CELF2: variants seen among roughly 807,000 people sequenced by gnomAD.
CELF2 encodes the protein CUG triplet repeat RNA-binding protein 2.
CELF2 carries 8 observed loss-of-function variants against 62.6 expected under a neutral mutation model. That is an observed-to-expected ratio of 0.13 (90% confidence interval 0.07 to 0.23). The LOEUF is 0.23. Ranked by LOEUF, CELF2 falls within the 10% of genes least tolerant of loss-of-function variation. The pLI is 1.00. For synonymous variants in CELF2, 258 were observed against 250.0 expected, an observed-to-expected ratio of 1.03 and a Z score of -0.30; for missense variants, 333 against 671.0, an observed-to-expected ratio of 0.50 and a Z score of 5.56.
chr10:10,572,753 A>G, the CELF2 span, among the ~76,000 whole-genome samples: 162 of 152,294 alleles, frequency 1.1e-3, no homozygotes, highest in Non-Finnish European at 5.9e-5. Context: ...TATCCGGTCT[A>G]TCATCGATGA....
At chr10:10,841,835 G>A in intron 1 of CELF2, among the ~76,000 whole-genome samples, 1 of 151,988 alleles carries the variant, frequency 6.6e-6, no homozygotes, top group Non-Finnish European at 1.5e-5. Context: ...AAAATAACTT[G>A]CTGGGATTCT....
chr10:10,585,841 C>T, the CELF2 span, among the ~76,000 whole-genome samples: 1 of 152,106 alleles, frequency 6.6e-6, no homozygotes, highest in African/African-American at 2.4e-5. Context: ...TACCAATTTG[C>T]AGCAACTGGG....
At position 11,157,954 on chromosome 10, in the gene CELF2, C is replaced by G. The variant is rs649882; in HGVS notation, c.75-7532C>G. Among the ~76,000 whole-genome samples the G allele has an allele frequency of 6.6e-6, 1 of 152,046 alleles. No homozygotes were observed. The highest frequency in any genetic ancestry group is 1.5e-5 in the Non-Finnish European group (1 of 67,992). ...ATGTCGTGTGTCTTTCGTTTGCCCC[C>G]CTTGATGTGGGTCCCTTTAATCATT... On this transcript the variant is annotated intron_variant, in intron 1 of 12. Transcript: ENST00000633077. The surrounding 1 kb of genome is among the most constrained non-coding windows in gnomAD (Gnocchi z 4.9).
intron 1 of CELF2, among the ~76,000 whole-genome samples, chr10:11,069,141 T>C (rs1291859): frequency 0.092 from 13,979 of 152,282 alleles, 718 homozygotes; most frequent in African/African-American, 0.13. Flanking sequence ...TGAGTTTTCT[T>C]ACTGCATGAC....
chr10:10,819,507 A>T (rs905838526), intron 1 of CELF2, among the ~76,000 whole-genome samples: 3 of 152,070 alleles, frequency 2.0e-5, no homozygotes, highest in African/African-American at 7.2e-5. Flanking sequence ...ATTGTTCTGG[A>T]ACTCTCAAAG....
the CELF2 span, among the ~76,000 whole-genome samples, chr10:10,754,073 T>G: frequency 5.3e-5 from 8 of 150,210 alleles, no homozygotes; most frequent in East Asian, 1.9e-4. Flanking sequence ...TTTTTTTTTT[T>G]TTTTTTTTTT....
intron 1 of CELF2, among the ~76,000 whole-genome samples, chr10:11,100,498 A>G (rs2051267133): frequency 6.6e-6 from 1 of 151,812 alleles, no homozygotes; most frequent in South Asian, 2.1e-4. Flanking sequence ...TTCCTAATAA[A>G]TATGAATGGA....
At chr10:10,573,502 T>G in the CELF2 span, among the ~76,000 whole-genome samples, 2 of 152,316 alleles carry the variant, frequency 1.3e-5, no homozygotes, top group South Asian at 4.1e-4. Context: ...GACTATATGT[T>G]TTTCTTTGGG....
chr10:10,835,390 T>A (rs990883918), intron 1 of CELF2, among the ~76,000 whole-genome samples: 1 of 151,888 alleles, frequency 6.6e-6, no homozygotes, highest in South Asian at 2.1e-4. Flanking sequence ...TTGATTTTTT[T>A]TTTTTTTTCT....
At chr10:11,090,203 A>G (rs2047946413) in intron 1 of CELF2, among the ~76,000 whole-genome samples, 1 of 151,758 alleles carries the variant, frequency 6.6e-6, no homozygotes. Flanking sequence ...AAAAAAAAAA[A>G]GTAGGCCTAG....
chr10:11,080,798 A>T (rs1289700517), intron 1 of CELF2, among the ~76,000 whole-genome samples: 1 of 152,248 alleles, frequency 6.6e-6, no homozygotes, highest in Non-Finnish European at 1.5e-5. Context: ...CTTAAATTTC[A>T]GTCAAAGTCC....
intron 1 of CELF2, among the ~76,000 whole-genome samples, chr10:10,909,762 G>A (rs1156750497): frequency 1.3e-5 from 2 of 152,152 alleles, no homozygotes; most frequent in African/African-American, 4.8e-5. Flanking sequence ...AAATGAGGTG[G>A]ATAAAATCTC....
chr10:11,268,576 A>T lies in CELF2; in HGVS notation c.618+1899A>T, dbSNP rs548594746. ...TTGGTTTGACCACTGGGGCATATTT[A>T]TTCCTAAGCCTTTGATCCTTTATTA... On this transcript the variant is annotated intron_variant, in intron 6 of 12. Transcript: ENST00000633077. The surrounding 1 kb of genome is among the most constrained non-coding windows in gnomAD (Gnocchi z 4.7). 1.3e-5 allele frequency among the ~76,000 whole-genome samples: 2 copies of T among 152,290 alleles called. No individual in the cohort carries two copies. Among genetic ancestry groups the T allele is most frequent in the African/African-American group, 4.8e-5 (2 of 41,544 alleles).
intron 1 of CELF2, among the ~76,000 whole-genome samples, chr10:10,898,775 A>G (rs2062738330): frequency 6.6e-6 from 1 of 152,224 alleles, no homozygotes; most frequent in African/African-American, 2.4e-5. Flanking sequence ...CCTAATTGAC[A>G]TTTATAAAGC....
intron 1 of CELF2, among the ~76,000 whole-genome samples, chr10:11,053,353 A>G (rs571933881): frequency 3.6e-4 from 55 of 152,292 alleles, no homozygotes; most frequent in African/African-American, 1.2e-3. Context: ...TAGTGCATGA[A>G]TCCTCTGCTT....
At chr10:10,686,499 C>G in the CELF2 span, among the ~76,000 whole-genome samples, 2 of 152,100 alleles carry the variant, frequency 1.3e-5, no homozygotes, top group Non-Finnish European at 2.9e-5. Flanking sequence ...CAAATCTCCC[C>G]TTGAATTGTA....
the CELF2 span, among the ~76,000 whole-genome samples, chr10:10,667,381 C>T: frequency 6.6e-6 from 1 of 152,250 alleles, no homozygotes; most frequent in East Asian, 1.9e-4. Context: ...TTAGCTCTTT[C>T]CAAATAAAAG....
rs1444352363 is a variant in CELF2, at chr10:11,255,735, C to T, written c.404-2003C>T. ...CCAGTCACCCCGAGTATGTCACAGG[C>T]CACCTTCTCTCCATTTCTAGGAGAG... On this transcript the variant is annotated intron_variant, in intron 4 of 12. Coordinates refer to ENST00000633077, the MANE Select transcript of CELF2 (RefSeq NM_001326342.2). This position sits in a 1 kb window ranked among gnomAD's most constrained non-coding sequence, Gnocchi z 5.5. 6.6e-6 allele frequency among the ~76,000 whole-genome samples: 1 copy of T among 152,146 alleles called. No individual in the cohort carries two copies. Among genetic ancestry groups the T allele is most frequent in the Non-Finnish European group, 1.5e-5 (1 of 68,032 alleles).
intron 1 of CELF2, among the ~76,000 whole-genome samples, chr10:11,152,225 T>C (rs752165944): frequency 6.6e-5 from 10 of 152,164 alleles, no homozygotes; most frequent in Non-Finnish European, 1.3e-4. Flanking sequence ...ATGTAGTCAC[T>C]GCGAAACTGG....
Sources: allele counts gnomAD v4.1 joint callset (sites outside exome capture counted in the v4.1 genomes callset), GRCh38; gene constraint gnomAD v4.1.1; non-coding constraint Gnocchi (gnomAD v3.1); transcripts MANE v1.5; gene names NCBI Gene and HGNC (gene_info 2026-07-23, HGNC 2026-07-21).